Variants in IGF1R observed in about 807,000 individuals in gnomAD.
The protein encoded by IGF1R is insulin-like growth factor 1 receptor.
Under a neutral mutation model 144.6 loss-of-function variants are expected in IGF1R, and 44 were observed. The ratio of observed to expected loss-of-function variants is 0.30; its 90% CI spans 0.24 to 0.39. The LOEUF (loss-of-function observed/expected upper bound fraction) is 0.39. Ranked by LOEUF, IGF1R falls within the 10% of genes least tolerant of loss-of-function variation. The pLI is 1.00. For synonymous variants in IGF1R, 795 were observed against 722.8 expected (o/e 1.10, Z -1.60); for missense variants, 1,355 against 1,833.7 (o/e 0.74, Z 4.77).
At chr15:98,689,769 T>C (rs906566818) in intron 1 of IGF1R, among the ~76,000 whole-genome samples, 4 of 152,074 alleles carry the variant, frequency 2.6e-5, no homozygotes, top group Non-Finnish European at 5.9e-5. Flanking sequence ...GAGAACAGCA[T>C]TGATGTTGAA....
intron 2 of IGF1R, among the ~76,000 whole-genome samples, chr15:98,758,043 A>G (rs1477629870): frequency 6.6e-6 from 1 of 152,122 alleles, no homozygotes; most frequent in Non-Finnish European, 1.5e-5. Context: ...TGCCGTTCCC[A>G]TGACTTTCTC....
At chr15:98,806,888 C>T (rs1028993730) in intron 2 of IGF1R, among the ~76,000 whole-genome samples, 5 of 152,096 alleles carry the variant, frequency 3.3e-5, no homozygotes, top group Non-Finnish European at 5.9e-5. Context: ...TGGTCAGGCG[C>T]GGTGGCTCAC....
rs749397555 is a variant in IGF1R, at chr15:98,707,682, G to A, written c.215G>A (p.Ser72Asn). 20 of 1,614,058 alleles carry A rather than the reference G, an allele frequency of 1.2e-5. No individual in the cohort carries two copies. In the South Asian group the frequency reaches 2.0e-4, roughly 16 times the overall value. Residue 72 changes from serine to asparagine, a missense_variant, in exon 2 of 21, where the codon AGC becomes AAC. By Grantham distance (46) the Ser-to-Asn change is conservative. This residue lies in a region of IGF1R where 75 missense variants were observed against 160.0 expected (regional missense o/e 0.47). Transcript: ENST00000650285. The surrounding 1 kb of genome is among the most constrained non-coding windows in gnomAD (Gnocchi z 6.7). ...LLISKAEDYR[S>N]YRFPKLTVIT... ...ATCTCCAAGGCCGAGGACTACCGCA[G>A]CTACCGCTTCCCCAAGCTCACGGTC...
chr15:98,745,386 C>T lies in IGF1R; in HGVS notation c.640+37279C>T, dbSNP rs565894862. On this transcript the variant is annotated intron_variant, in intron 2 of 20. Transcript: ENST00000650285. Reference sequence around the variant, plus strand: ...TGTGGTTGTGTGTCATCGCTGACTACCTGTTACAGGTGAGGAAGCTGGGTG... The same window carrying T: ...TGTGGTTGTGTGTCATCGCTGACTATCTGTTACAGGTGAGGAAGCTGGGTG... Among the ~76,000 whole-genome samples the T allele has an allele frequency of 2.0e-5, 3 of 152,354 alleles. No individual in the cohort carries two copies. In the South Asian group the frequency reaches 6.2e-4, roughly 32 times the overall value.
At chr15:98,853,970 T>A (rs1424083154) in intron 2 of IGF1R, among the ~76,000 whole-genome samples, 1 of 152,218 alleles carries the variant, frequency 6.6e-6, no homozygotes, top group Non-Finnish European at 1.5e-5. Context: ...TTCTCTCTGT[T>A]TTTTTCTCTT....
Position 98,957,524 on chromosome 15 carries a change from C to T in IGF1R, c.*82C>T, listed in dbSNP as rs1399825705. The T allele has an allele frequency of 2.5e-6, 4 of 1,569,926 alleles. No homozygotes were observed. Among genetic ancestry groups the T allele is most frequent in the South Asian group, 1.1e-5 (1 of 89,304 alleles). ...GGGGGGAGAGAGAGTTTTAACAATCCATTCACAAGCCTCCTGTACCTCAGT... is the reference window on the plus strand; with the variant it reads ...GGGGGGAGAGAGAGTTTTAACAATCTATTCACAAGCCTCCTGTACCTCAGT... On this transcript the variant is annotated 3_prime_UTR_variant, in exon 21 of 21. Transcript: ENST00000650285.
chr15:98,686,293 G>A (rs981533703), intron 1 of IGF1R, among the ~76,000 whole-genome samples: 3 of 152,198 alleles, frequency 2.0e-5, no homozygotes, highest in Non-Finnish European at 4.4e-5. Context: ...CCATTACCAT[G>A]TGGTATATAT....
chr15:98,696,086 C>T (rs1413051567), intron 1 of IGF1R, among the ~76,000 whole-genome samples: 3 of 148,610 alleles, frequency 2.0e-5, no homozygotes, highest in African/African-American at 7.5e-5. Flanking sequence ...AAATTATATC[C>T]AATTAAATCT....
In IGF1R at chr15:98,957,355, C is replaced by T. The variant is rs778478451; in HGVS notation, c.4017C>T (p.Ser1339=). 1.2e-6 allele frequency: 2 copies of T among 1,612,304 alleles called. No individual in the cohort carries two copies. Among genetic ancestry groups the T allele is most frequent in the South Asian group, 1.1e-5 (1 of 91,044 alleles). The change falls in exon 21 of 21, where the codon AGC becomes AGT. Residue 1339 remains serine (S), a synonymous_variant. Coordinates refer to ENST00000650285, the MANE Select transcript of IGF1R (RefSeq NM_000875.5). ...CTGGGGTGCTGGTCCTCCGCGCCAG[C>T]TTCGACGAGAGACAGCCTTACGCCC... ...PGPGVLVLRA[S]FDERQPYAHM... is the part of the protein sequence containing the mutation.
intron 17 of IGF1R, among the ~76,000 whole-genome samples, chr15:98,937,456 G>A (rs1277835991): frequency 6.6e-6 from 1 of 152,088 alleles, no homozygotes; most frequent in Non-Finnish European, 1.5e-5. Flanking sequence ...TAAGAGGGTG[G>A]GACAAGATTA....
intron 1 of IGF1R, among the ~76,000 whole-genome samples, chr15:98,669,502 G>A (rs1003351314): frequency 2.6e-5 from 4 of 152,172 alleles, no homozygotes; most frequent in African/African-American, 9.7e-5. Context: ...AGGGTCATAT[G>A]TGCTGGCTGC....
At chr15:98,899,697 G>C in intron 5 of IGF1R, 76 bp downstream of exon 5, 4 of 1,426,126 alleles carry the variant, frequency 2.8e-6, no homozygotes, top group Non-Finnish European at 3.9e-6. Flanking sequence ...TGTTGCTGAG[G>C]TAAGAGCCCT....
chr15:98,850,470 C>A (rs937240197), intron 2 of IGF1R, among the ~76,000 whole-genome samples: 1 of 152,172 alleles, frequency 6.6e-6, no homozygotes, highest in Non-Finnish European at 1.5e-5. Context: ...GCTCTTGGTT[C>A]TTCCAGCAAA....
At chr15:98,925,102 T>TCCGAGC (rs1414907018) in intron 13 of IGF1R, among the ~76,000 whole-genome samples, 2 of 151,924 alleles carry the variant, frequency 1.3e-5, no homozygotes, top group Non-Finnish European at 2.9e-5. Flanking sequence ...GGGCTTGAAA[T>TCCGAGC]CCTAAGGGGT....
intron 2 of IGF1R, among the ~76,000 whole-genome samples, chr15:98,796,274 G>GGT (rs747101628): frequency 3.9e-5 from 6 of 152,114 alleles, no homozygotes; most frequent in African/African-American, 7.2e-5. Context: ...GGCGCCTGGG[G>GGT]GTGTGTGGGG....
chr15:98,693,640 T>C (rs12591120), intron 1 of IGF1R, among the ~76,000 whole-genome samples: 47,004 of 151,946 alleles, frequency 0.31, 7,969 homozygotes, highest in African/African-American at 0.44. Context: ...GAGTTTTGCT[T>C]TGTCACCCAG....
At chr15:98,811,742 C>T (rs370873140) in intron 2 of IGF1R, among the ~76,000 whole-genome samples, 3 of 151,976 alleles carry the variant, frequency 2.0e-5, no homozygotes, top group East Asian at 3.9e-4. Context: ...CTGGCTAACA[C>T]GGTGAAACCC....
chr15:98,943,488 A>C (rs375357628), intron 19 of IGF1R, among the ~76,000 whole-genome samples: 3 of 152,056 alleles, frequency 2.0e-5, no homozygotes, highest in Non-Finnish European at 2.9e-5. Flanking sequence ...ATGAGTCCTG[A>C]TTGTGTTTTC....
Position 98,708,005 on chromosome 15 carries a change from G to T in IGF1R, c.538G>T (p.Asp180Tyr). The T allele has an allele frequency of 6.2e-7, 1 of 1,614,146 alleles. No individual in the cohort carries two copies. The highest frequency in any genetic ancestry group is 8.5e-7 in the Non-Finnish European group (1 of 1,180,018). The change falls in exon 2 of 21, where the codon GAC (aspartate) becomes TAC (tyrosine). Residue 180 changes from aspartate to tyrosine, a missense_variant. Asp to Tyr is a radical substitution (Grantham distance 160, BLOSUM62 -3). Coordinates refer to ENST00000650285, the MANE Select transcript of IGF1R (RefSeq NM_000875.5). ...VGNKPPKECG[D>Y]LCPGTMEEKP... ...GAATAAGCCCCCAAAGGAATGTGGG[G>T]ACCTGTGTCCAGGGACCATGGAGGA...
Sources: allele counts gnomAD v4.1 joint callset (sites outside exome capture counted in the v4.1 genomes callset), GRCh38; gene constraint gnomAD v4.1.1; regional missense constraint gnomAD v4.1.1; non-coding constraint Gnocchi (gnomAD v3.1); transcripts MANE v1.5; gene names NCBI Gene and HGNC (gene_info 2026-07-23, HGNC 2026-07-21).